SHANK2: variants seen among roughly 807,000 people sequenced by gnomAD.
The protein encoded by SHANK2 is SH3 and multiple ankyrin repeat domains protein 2.
A neutral mutation model predicts 133.7 loss-of-function variants in SHANK2; 43 were observed. That is an observed-to-expected ratio of 0.32 (90% CI 0.25 to 0.41). SHANK2 has a LOEUF of 0.41. Ranked by LOEUF, SHANK2 falls within the 10% of genes least tolerant of loss-of-function variation. The pLI is 1.00. For synonymous variants in SHANK2, 1,017 were observed against 952.8 expected, an observed-to-expected ratio of 1.07 and a Z score of -1.24; for missense variants, 1,994 against 2,235.8, an observed-to-expected ratio of 0.89 and a Z score of 2.18.
chr11:70,741,271 CCATCCATCCATT>C (rs1323962690), intron 14 of SHANK2, among the ~76,000 whole-genome samples: 20 of 151,704 alleles, frequency 1.3e-4, no homozygotes, highest in African/African-American at 3.6e-4. Context: ...ATCCATCCAT[CCATCCATCCATT>C]CATCCATCCG....
At chr11:70,710,030 G>A (rs1266323054) in intron 14 of SHANK2, among the ~76,000 whole-genome samples, 10 of 152,114 alleles carry the variant, frequency 6.6e-5, no homozygotes, top group Non-Finnish European at 1.5e-4. Context: ...AAATTCAGAG[G>A]CCAGGAAAGG....
chr11:70,471,328 A>G lies in SHANK2; in HGVS notation c.*1541T>C. 5.0e-6 allele frequency: 2 copies of G among 399,046 alleles called. No individual in the cohort carries two copies. Among genetic ancestry groups the G allele is most frequent in the East Asian group, 7.1e-5 (2 of 28,088 alleles). The allele number at this position is 399,046 out of a possible 1,614,324, so 24.7% of individuals were successfully genotyped here. A position where few individuals can be genotyped will look rare whatever the true frequency, so the allele number is the denominator to read the frequency against. On this transcript the variant is annotated 3_prime_UTR_variant, in exon 26 of 26. Transcript: ENST00000601538. This position sits in a 1 kb window ranked among gnomAD's most constrained non-coding sequence, Gnocchi z 4.1. ...GGGCTGAGCTAGTTCTGAAATAATA[A>G]TAAAACCAAAAACCTGACATTCGAG...
intron 3 of SHANK2, 97 bp from the exon 4 acceptor site, chr11:71,119,129 CCCTT>C (rs1952037469): frequency 1.0e-6 from 1 of 988,400 alleles, no homozygotes; most frequent in African/African-American, 1.6e-5. Flanking sequence ...CTGCTTCCAC[CCCTT>C]CCCGACACTT....
Position 70,479,094 on chromosome 11 carries a change from C to T in SHANK2, c.4980-5655G>A, listed in dbSNP as rs562628186. 2.6e-5 allele frequency among the ~76,000 whole-genome samples: 4 copies of T among 152,328 alleles called. No individual in the cohort carries two copies. The highest frequency in any genetic ancestry group is 2.1e-4 in the South Asian group (1 of 4,830). On this transcript the variant is annotated intron_variant, in intron 25 of 25. Transcript: ENST00000601538. The surrounding 1 kb of genome is among the most constrained non-coding windows in gnomAD (Gnocchi z 4.4). ...GGCACTCCCATTCATCCTTGCCCAA[C>T]GCCCGCAAGTACCAGCCCCGATGGA...
At chr11:71,162,825 C>A (rs1953047719) in intron 2 of SHANK2, among the ~76,000 whole-genome samples, 1 of 151,862 alleles carries the variant, frequency 6.6e-6, no homozygotes, top group African/African-American at 2.4e-5. Flanking sequence ...GTTATCCCAG[C>A]ACTTTGGGAG....
intron 10 of SHANK2, among the ~76,000 whole-genome samples, chr11:70,955,422 G>GGGGTGTGTGT (rs1220747460): frequency 6.8e-6 from 1 of 146,458 alleles, no homozygotes; most frequent in East Asian, 2.0e-4. Flanking sequence ...AGACCCACGG[G>GGGGTGTGTGT]GTGTGTGTGT....
intron 17 of SHANK2, among the ~76,000 whole-genome samples, chr11:70,550,148 G>C (rs2059746713): frequency 6.6e-6 from 1 of 152,198 alleles, no homozygotes; most frequent in Non-Finnish European, 1.5e-5. Flanking sequence ...TCCCTGGAAA[G>C]GGAGGCACCA....
At chr11:71,093,861 C>A (rs1362941372) in intron 7 of SHANK2, among the ~76,000 whole-genome samples, 3 of 152,216 alleles carry the variant, frequency 2.0e-5, no homozygotes, top group Admixed American at 2.0e-4. Flanking sequence ...TCTTGGGGGT[C>A]AACCTGCAGC....
At chr11:71,156,997 A>G (rs1177243236) in intron 2 of SHANK2, among the ~76,000 whole-genome samples, 1 of 152,266 alleles carries the variant, frequency 6.6e-6, no homozygotes, top group East Asian at 1.9e-4. Flanking sequence ...GGATAGCATT[A>G]GGAGATATAC....
chr11:70,835,616 C>T (rs1223698785), intron 11 of SHANK2, among the ~76,000 whole-genome samples: 1 of 152,198 alleles, frequency 6.6e-6, no homozygotes, highest in Non-Finnish European at 1.5e-5. Flanking sequence ...GGAACTAGAG[C>T]TGAGCTGGAG....
chr11:70,900,224 T>C (rs889225315), intron 10 of SHANK2, among the ~76,000 whole-genome samples: 1 of 152,020 alleles, frequency 6.6e-6, no homozygotes, highest in Non-Finnish European at 1.5e-5. Context: ...CGTGGTAGCA[T>C]GCACCTGTAG....
At chr11:71,064,852 C>T (rs1235889488) in intron 9 of SHANK2, among the ~76,000 whole-genome samples, 1 of 151,956 alleles carries the variant, frequency 6.6e-6, no homozygotes, top group South Asian at 2.1e-4. Context: ...CCTAAGAGGT[C>T]GGCACGTGGG....
intron 17 of SHANK2, among the ~76,000 whole-genome samples, chr11:70,614,617 C>T (rs782472839): frequency 1.3e-5 from 2 of 152,240 alleles, no homozygotes; most frequent in African/African-American, 4.8e-5. Context: ...CCAGCCCAAC[C>T]TGTGGTTTCT....
chr11:70,790,915 C>T (rs1315524189), intron 14 of SHANK2, among the ~76,000 whole-genome samples: 4 of 152,196 alleles, frequency 2.6e-5, no homozygotes, highest in Non-Finnish European at 5.9e-5. Context: ...CTCCCCGTCT[C>T]TGCAGGCTGG....
chr11:70,890,348 A>G (rs1949819887), intron 11 of SHANK2, among the ~76,000 whole-genome samples: 1 of 152,140 alleles, frequency 6.6e-6, no homozygotes. Flanking sequence ...TACTAAGAAT[A>G]GAAAAAATTG....
Position 70,469,278 on chromosome 11 carries a change from G to A in SHANK2, c.*3591C>T, listed in dbSNP as rs1271817535. ...AAGGCAGATTAGCTCAGTGACAGGA[G>A]CCTGTTTACTCGATGAGAGAGATTT... is the stretch of plus-strand genomic sequence containing the variant. On this transcript the variant is annotated 3_prime_UTR_variant, in exon 26 of 26. Coordinates refer to ENST00000601538, the MANE Select transcript of SHANK2 (RefSeq NM_012309.5). 2 of 152,530 alleles carry A rather than the reference G, an allele frequency of 1.3e-5. No homozygotes were observed. Among genetic ancestry groups the A allele is most frequent in the Non-Finnish European group, 2.9e-5 (2 of 68,046 alleles). 9.4% of individuals were successfully genotyped at this position (152,530 alleles called of 1,614,324 possible). A position where few individuals can be genotyped will look rare whatever the true frequency, so the allele number is the denominator to read the frequency against.
intron 17 of SHANK2, among the ~76,000 whole-genome samples, chr11:70,600,283 G>A (rs2060474869): frequency 6.6e-6 from 1 of 151,828 alleles, no homozygotes; most frequent in Non-Finnish European, 1.5e-5. Context: ...GCCGGGCGCG[G>A]TGGTGCAAAC....
chr11:71,225,553 A>G (rs1317606767), intron 1 of SHANK2, among the ~76,000 whole-genome samples: 1 of 152,238 alleles, frequency 6.6e-6, no homozygotes, highest in Non-Finnish European at 1.5e-5. Context: ...TTTAACTAAG[A>G]CTAAAAGTCT....
intron 17 of SHANK2, among the ~76,000 whole-genome samples, chr11:70,611,680 A>G (rs1302696971): frequency 6.6e-6 from 1 of 152,144 alleles, no homozygotes; most frequent in Admixed American, 6.5e-5. Context: ...AAGGGAAGGG[A>G]CCCACTGGCC....
Sources: allele counts gnomAD v4.1 joint callset (sites outside exome capture counted in the v4.1 genomes callset), GRCh38; gene constraint gnomAD v4.1.1; non-coding constraint Gnocchi (gnomAD v3.1); transcripts MANE v1.5; gene names NCBI Gene and HGNC (gene_info 2026-07-23, HGNC 2026-07-21).